Variants in SPMIP7 observed in about 807,000 individuals in gnomAD.
SPMIP7 encodes the protein sperm microtubule inner protein 7.
chr7:50,158,575 CT>C, the SPMIP7 span, among the ~76,000 whole-genome samples: 7 of 151,590 alleles, frequency 4.6e-5, no homozygotes, highest in South Asian at 1.5e-3. Context: ...CGGGTTCCCC[CT>C]ATCCATGTCA....
At chr7:50,137,395 C>T in the SPMIP7 span, among the ~76,000 whole-genome samples, 1 of 152,134 alleles carries the variant, frequency 6.6e-6, no homozygotes, top group South Asian at 2.1e-4. Context: ...GTAGAGTCTT[C>T]CTTTAAATGG....
chr7:50,150,042 C>G, the SPMIP7 span, among the ~76,000 whole-genome samples: 4 of 152,284 alleles, frequency 2.6e-5, no homozygotes. Flanking sequence ...ACCCCTTTCA[C>G]TAACCTCTCT....
the SPMIP7 span, chr7:50,141,341 G>A: frequency 2.9e-5 from 45 of 1,551,954 alleles, no homozygotes; most frequent in Admixed American, 7.3e-4. Flanking sequence ...ACATCGCATC[G>A]CTAGCCAAGC....
chr7:50,152,652 G>A, the SPMIP7 span, among the ~76,000 whole-genome samples: 3 of 146,798 alleles, frequency 2.0e-5, no homozygotes, highest in Non-Finnish European at 3.0e-5. Context: ...GGATTCATTC[G>A]TTTATCACAC....
At chr7:50,127,990 T>C in the SPMIP7 span, among the ~76,000 whole-genome samples, 2 of 152,032 alleles carry the variant, frequency 1.3e-5, no homozygotes, top group African/African-American at 2.4e-5. Context: ...AGGAAAACAA[T>C]ATATCGAAAA....
the SPMIP7 span, among the ~76,000 whole-genome samples, chr7:50,102,848 T>C: frequency 0.03 from 4,511 of 151,630 alleles, 88 homozygotes; most frequent in Middle Eastern, 0.052. Context: ...TGTTCATTAA[T>C]TATAGTTTTT....
the SPMIP7 span, chr7:50,142,941 C>A: frequency 6.6e-6 from 1 of 152,154 alleles, no homozygotes; most frequent in Non-Finnish European, 1.5e-5. Context: ...AATATGATGT[C>A]ATTTGCATAG....
the SPMIP7 span, among the ~76,000 whole-genome samples, chr7:50,146,047 C>T: frequency 3.4e-3 from 522 of 152,266 alleles, 2 homozygotes; most frequent in African/African-American, 0.011. Context: ...CCCTGTCAGT[C>T]GCTGGACTGT....
the SPMIP7 span, among the ~76,000 whole-genome samples, chr7:50,127,697 C>G: frequency 6.7e-6 from 1 of 149,110 alleles, no homozygotes; most frequent in Non-Finnish European, 1.5e-5. Flanking sequence ...TAAAAATAGT[C>G]AACAGGTATA....
chr7:50,127,145 A>G, the SPMIP7 span, among the ~76,000 whole-genome samples: 1 of 152,114 alleles, frequency 6.6e-6, no homozygotes, highest in Non-Finnish European at 1.5e-5. Flanking sequence ...CTCCAGGAAT[A>G]CACAATGGGA....
the SPMIP7 span, chr7:50,104,315 T>C: frequency 2.0e-6 from 3 of 1,494,938 alleles, no homozygotes; most frequent in Middle Eastern, 1.7e-4. Flanking sequence ...TGTTTTCAGG[T>C]TGGACAAGCC....
At chr7:50,136,991 A>T in the SPMIP7 span, among the ~76,000 whole-genome samples, 5 of 152,240 alleles carry the variant, frequency 3.3e-5, no homozygotes, top group African/African-American at 1.2e-4. Context: ...TTCTAAGCAT[A>T]TCTATCTTCC....
At chr7:50,124,384 C>T in the SPMIP7 span, among the ~76,000 whole-genome samples, 1 of 152,164 alleles carries the variant, frequency 6.6e-6, no homozygotes, top group African/African-American at 2.4e-5. Flanking sequence ...CAATCACCTT[C>T]AGGTAGTTGA....
chr7:50,136,143 G>A, the SPMIP7 span: 2 of 1,551,008 alleles, frequency 1.3e-6, no homozygotes, highest in Non-Finnish European at 1.7e-6. Flanking sequence ...ATCTTTCTTG[G>A]CACCAGTCAA....
the SPMIP7 span, chr7:50,129,634 C>A: frequency 2.1e-6 from 2 of 973,932 alleles, no homozygotes. Flanking sequence ...AAAAGGAATC[C>A]AAAAGAAAAC....
the SPMIP7 span, chr7:50,136,003 A>C: frequency 3.5e-6 from 3 of 869,264 alleles, no homozygotes; most frequent in Non-Finnish European, 5.6e-6. Flanking sequence ...GGGCATAGCT[A>C]TGACGTAGAA....
the SPMIP7 span, among the ~76,000 whole-genome samples, chr7:50,113,072 CT>C: frequency 6.6e-6 from 1 of 151,966 alleles, no homozygotes; most frequent in Non-Finnish European, 1.5e-5. Context: ...GAATAAAAAA[CT>C]TTATAGTACA....
At chr7:50,148,631 C>A in the SPMIP7 span, among the ~76,000 whole-genome samples, 2 of 152,178 alleles carry the variant, frequency 1.3e-5, no homozygotes, top group African/African-American at 4.8e-5. Context: ...TTCTGGGTTA[C>A]CTCTCTAACT....
At chr7:50,103,406 T>C in the SPMIP7 span, among the ~76,000 whole-genome samples, 1 of 152,164 alleles carries the variant, frequency 6.6e-6, no homozygotes, top group Non-Finnish European at 1.5e-5. Flanking sequence ...CTATCTCTCT[T>C]ATTAAAACCC....
Sources: gnomAD v4.1 joint callset for allele counts (sites outside exome capture counted in the v4.1 genomes callset) on GRCh38, gnomAD v4.1.1 for gene constraint, MANE v1.5 for transcripts, NCBI Gene and HGNC (gene_info 2026-07-23, HGNC 2026-07-21) for gene names.